Variants in CTNNA1 observed in about 807,000 individuals in gnomAD.
CTNNA1 encodes catenin alpha-1.
A neutral mutation model predicts 98.4 loss-of-function variants in CTNNA1; 37 were observed. The observed-to-expected ratio is 0.38, with a 90% confidence interval of 0.29 to 0.49. The LOEUF is 0.49. CTNNA1 is among the 20% of genes least tolerant of loss of function. The probability of loss-of-function intolerance (pLI) is 0.95; values close to 1 mark genes in which losing one functional copy is unlikely to be tolerated. For missense variants in CTNNA1, 761 were observed against 1,147.2 expected (o/e 0.66, Z 4.86); for synonymous variants, 404 against 413.2 (o/e 0.98, Z 0.27).
rs367961660 is a variant in CTNNA1 at position 138,867,743 on chromosome 5, C to T, written c.1063-18469C>T. On this transcript the variant is annotated intron_variant, in intron 7 of 17. Transcript: ENST00000302763. The stretch of plus-strand genomic sequence containing the variant: ...TGTATTTTCTCTTATGATTTTCTTT[C>T]TTTCTTTTTTTTTTTTTCTTTTTTT... Among the ~76,000 whole-genome samples, 664 of 143,784 alleles carry T rather than the reference C, an allele frequency of 4.6e-3. 10 individuals are homozygous for T. Among genetic ancestry groups the T allele is most frequent in the African/African-American group, 0.011 (426 of 37,636 alleles). The allele number at this position is 143,784 out of a possible 152,430, so 94.3% of individuals were successfully genotyped here. A position where few individuals can be genotyped will look rare whatever the true frequency, so the allele number is the denominator to read the frequency against.
chr5:138,759,655 A>C (rs1358482590), intron 1 of CTNNA1, among the ~76,000 whole-genome samples: 1 of 152,012 alleles, frequency 6.6e-6, no homozygotes, highest in African/African-American at 2.4e-5. Flanking sequence ...ACGGATCCCT[A>C]ATATTTGGAG....
chr5:138,919,228 C>A (rs928447190), intron 11 of CTNNA1, among the ~76,000 whole-genome samples: 8 of 152,152 alleles, frequency 5.3e-5, no homozygotes, highest in Non-Finnish European at 7.4e-5. Flanking sequence ...CTGAATTATT[C>A]TTTTTCATTG....
At chr5:138,906,779 C>A (rs1489852189) in intron 10 of CTNNA1, among the ~76,000 whole-genome samples, 2 of 152,146 alleles carry the variant, frequency 1.3e-5, no homozygotes, top group Non-Finnish European at 1.5e-5. Context: ...CTGAAAAAAA[C>A]CATGTTTTTT....
chr5:138,826,215 T>C (rs914795553), intron 6 of CTNNA1, among the ~76,000 whole-genome samples: 1 of 152,216 alleles, frequency 6.6e-6, no homozygotes, highest in Non-Finnish European at 1.5e-5. Context: ...CATGTTCAGT[T>C]TGAAAACTGA....
At chr5:138,872,927 T>C in intron 7 of CTNNA1, 1 of 964,086 alleles carries the variant, frequency 1.0e-6, no homozygotes, top group East Asian at 2.5e-5. Flanking sequence ...AATGTCACCA[T>C]TGGTAAAAAT....
chr5:138,810,868 C>T (rs528396553), intron 4 of CTNNA1, among the ~76,000 whole-genome samples: 5 of 151,058 alleles, frequency 3.3e-5, no homozygotes, highest in South Asian at 2.1e-4. Context: ...TAGGGGCGGC[C>T]GGGCAGAGGC....
intron 3 of CTNNA1, among the ~76,000 whole-genome samples, chr5:138,785,062 T>TA (rs1755522861): frequency 9.5e-6 from 1 of 105,280 alleles, no homozygotes; most frequent in Admixed American, 1.2e-4. Context: ...ATTAATTAAT[T>TA]AATTTTTTTT....
chr5:138,877,743 G>A lies in CTNNA1; in HGVS notation c.1063-8469G>A, dbSNP rs574460929. On this transcript the variant is annotated intron_variant, in intron 7 of 17. Coordinates refer to ENST00000302763, the MANE Select transcript of CTNNA1 (RefSeq NM_001903.5). The stretch of plus-strand genomic sequence containing the variant: ...ATTACAGGCGTGAGCCACCGCGCCC[G>A]GCCAAATTTCTTAAATGAAAATAAG... Among the ~76,000 whole-genome samples the A allele has an allele frequency of 1.4e-4, 21 of 152,206 alleles. 1 individual carries two copies. Among genetic ancestry groups the A allele is most frequent in the Middle Eastern group, 3.4e-3 (1 of 294 alleles).
intron 7 of CTNNA1, among the ~76,000 whole-genome samples, chr5:138,846,480 T>G (rs1300446747): frequency 6.6e-6 from 1 of 152,234 alleles, no homozygotes; most frequent in Non-Finnish European, 1.5e-5. Context: ...AGTTTGCTAA[T>G]GATGTGATAT....
In CTNNA1 at chr5:138,783,329, CAAG is replaced by C. The variant is rs768434342; in HGVS notation, c.259_261del (p.Lys87del). ...AAATTGCGAAGGAGAGCCAGTTTCT[CAAG>C]GAGGAGCTTGTGGCTGCTGTAGAAG... On this transcript the variant is annotated inframe_deletion, in exon 3 of 18. Transcript: ENST00000302763. 9 of 1,613,926 alleles carry C rather than the reference CAAG, an allele frequency of 5.6e-6. No individual in the cohort carries two copies. Among genetic ancestry groups the C allele is most frequent in the East Asian group, 4.5e-5 (2 of 44,886 alleles).
Position 138,887,632 on chromosome 5 carries a change from A to G in CTNNA1, c.1286A>G (p.Lys429Arg), listed in dbSNP as rs1311867806. 3 of 1,609,832 alleles carry G rather than the reference A, an allele frequency of 1.9e-6. No homozygotes were observed. Among genetic ancestry groups the G allele is most frequent in the South Asian group, 1.1e-5 (1 of 89,706 alleles). ...CAAGTTTTCCGTGAACATGCCAACA[A>G]ATTGATTGAGGTAAGTGAATTAGCA... is the stretch of plus-strand genomic sequence containing the variant. ...YAQVFREHAN[K>R]LIEVANLACS... is the part of the protein sequence containing the mutation. Residue 429 changes from lysine (K) to arginine (R), a missense_variant, in exon 9 of 18, where the codon AAA becomes AGA. Transcript: ENST00000302763.
chr5:138,872,031 T>C (rs999131298), intron 7 of CTNNA1: 1 of 108,508 alleles, frequency 9.2e-6, no homozygotes, highest in Non-Finnish European at 1.9e-5. Context: ...CGCGAGAGTG[T>C]GTGTGTGTGT....
At chr5:138,776,272 T>C (rs573951381) in intron 1 of CTNNA1, among the ~76,000 whole-genome samples, 2 of 152,112 alleles carry the variant, frequency 1.3e-5, no homozygotes, top group African/African-American at 4.8e-5. Context: ...CCTTCAAGCA[T>C]CTGTTCAACA....
At position 138,934,194 on chromosome 5, in the gene CTNNA1, A is replaced by G; in HGVS notation, c.*105A>G. 2 of 835,060 alleles carry G rather than the reference A, an allele frequency of 2.4e-6. No individual in the cohort carries two copies. Among genetic ancestry groups the G allele is most frequent in the Non-Finnish European group, 3.7e-6 (2 of 537,104 alleles). 51.7% of individuals were successfully genotyped at this position (835,060 alleles called of 1,614,324 possible). A position where few individuals can be genotyped will look rare whatever the true frequency, so the allele number is the denominator to read the frequency against. ...ATACAACACTGATACTAGATTCCAC[A>G]GGGAAATGGGCAGACTGAACCAGTC... On this transcript the variant is annotated 3_prime_UTR_variant, in exon 18 of 18. Transcript: ENST00000302763.
At chr5:138,931,680 G>A (rs1041572775) in intron 16 of CTNNA1, 9 of 985,302 alleles carry the variant, frequency 9.1e-6, no homozygotes, top group Non-Finnish European at 9.6e-6. Flanking sequence ...GGCCGCTCCC[G>A]ATTTCCTGTT....
chr5:138,905,944 G>A (rs891392263), intron 10 of CTNNA1, among the ~76,000 whole-genome samples: 3 of 152,242 alleles, frequency 2.0e-5, no homozygotes, highest in Non-Finnish European at 2.9e-5. Context: ...CTGGAGAAAT[G>A]AAATAGAGGT....
At chr5:138,820,254 GT>G (rs1408729235) in intron 5 of CTNNA1, among the ~76,000 whole-genome samples, 1 of 152,050 alleles carries the variant, frequency 6.6e-6, no homozygotes, top group African/African-American at 2.4e-5. Context: ...TGATAGTTTG[GT>G]GGTGACTTAG....
chr5:138,876,122 A>C (rs567248477), intron 7 of CTNNA1, among the ~76,000 whole-genome samples: 1 of 152,230 alleles, frequency 6.6e-6, no homozygotes, highest in Non-Finnish European at 1.5e-5. Context: ...ACAGCAAAGC[A>C]GAGATGATTT....
chr5:138,812,103 A>G, intron 4 of CTNNA1, 80 bp from the exon 5 acceptor site: 1 of 1,344,640 alleles, frequency 7.4e-7, no homozygotes, highest in Non-Finnish European at 1.0e-6. Flanking sequence ...GTTAACAGGA[A>G]TGAAAATTCC....
Sources: gnomAD v4.1 joint callset for allele counts (sites outside exome capture counted in the v4.1 genomes callset) on GRCh38, gnomAD v4.1.1 for gene constraint, MANE v1.5 for transcripts, NCBI Gene and HGNC (gene_info 2026-07-23, HGNC 2026-07-21) for gene names.